Variants in ECE1 observed in about 807,000 individuals in gnomAD.
ECE1 encodes endothelin-converting enzyme 1.
Under a neutral mutation model 98.6 loss-of-function variants are expected in ECE1, and 35 were observed. The ratio of observed to expected loss-of-function variants is 0.35; its 90% CI spans 0.27 to 0.47. ECE1 has a LOEUF of 0.47. Among genes scored for constraint, ECE1 ranks in the 20% least tolerant of loss-of-function variants. The pLI, the probability that ECE1 is intolerant of heterozygous loss-of-function variation, is 1.00. For missense variants in ECE1, 814 were observed against 1,025.3 expected (o/e 0.79, Z 2.81); for synonymous variants, 394 against 407.1 (o/e 0.97, Z 0.39).
In ECE1 at chr1:21,227,156, T is replaced by C. The variant is rs765111024; in HGVS notation, c.1849+3A>G. 6.2e-7 allele frequency: 1 copy of C among 1,614,002 alleles called. No homozygotes were observed. Among genetic ancestry groups the C allele is most frequent in the South Asian group, 1.1e-5 (1 of 91,084 alleles). On this transcript the variant is annotated splice_donor_region_variant and intron_variant, in intron 16 of 18. Transcript: ENST00000374893. ...AGCCATCGTGCCCAGCTGGAATTCG[T>C]ACCTTGATCATCAAAAGCATGAGTC...
At chr1:21,282,579 C>T (rs1237580576) in intron 2 of ECE1, among the ~76,000 whole-genome samples, 1 of 136,754 alleles carries the variant, frequency 7.3e-6, no homozygotes, top group African/African-American at 3.0e-5. Flanking sequence ...CAGAGTGAGA[C>T]GCTGTCTTGA....
At chr1:21,223,379 C>G (rs1235083660) in intron 17 of ECE1, among the ~76,000 whole-genome samples, 1 of 152,130 alleles carries the variant, frequency 6.6e-6, no homozygotes, top group African/African-American at 2.4e-5. Context: ...ACCTCTGCCT[C>G]CTGGGTTTAA....
In ECE1 at chr1:21,340,104, C is replaced by T. The variant is rs1276927744; in HGVS notation, c.3+5272G>A. On this transcript the variant is annotated intron_variant, in intron 1 of 18. Transcript: ENST00000415912. This position sits in a 1 kb window ranked among gnomAD's most constrained non-coding sequence, Gnocchi z 4.6. ...CTCTTCTGGGAAGGCTTCCCTGATA[C>T]ACACCTATGGGCAGGATGACTCTGG... is the stretch of plus-strand genomic sequence containing the variant. 6.6e-6 allele frequency among the ~76,000 whole-genome samples: 1 copy of T among 152,250 alleles called. No individual in the cohort carries two copies. The highest frequency in any genetic ancestry group is 2.4e-5 in the African/African-American group (1 of 41,466).
chr1:21,274,771 A>T (rs537116169), intron 3 of ECE1, among the ~76,000 whole-genome samples: 10 of 152,204 alleles, frequency 6.6e-5, no homozygotes, highest in Non-Finnish European at 1.2e-4. Context: ...AATCAGGGTG[A>T]TCTGACTTTG....
upstream of ECE1, chr1:21,290,525 G>A (rs967849777): frequency 8.3e-7 from 1 of 1,202,400 alleles, no homozygotes; most frequent in Non-Finnish European, 1.0e-6. This position sits in a 1 kb window ranked among gnomAD's most constrained non-coding sequence, Gnocchi z 7.3. Context: ...CCGGCGCCCG[G>A]TTCCCAACCT....
chr1:21,255,293 T>G (rs1216740669), intron 8 of ECE1, among the ~76,000 whole-genome samples: 1 of 152,182 alleles, frequency 6.6e-6, no homozygotes, highest in Admixed American at 6.5e-5. Context: ...GTGGTGGCCA[T>G]TCTGCTGATC....
At chr1:21,226,677 T>G (rs2098174650) in intron 16 of ECE1, among the ~76,000 whole-genome samples, 1 of 152,132 alleles carries the variant, frequency 6.6e-6, no homozygotes, top group Admixed American at 6.5e-5. Context: ...CTATTAAAAT[T>G]TTGCCACCAC....
intron 4 of ECE1, among the ~76,000 whole-genome samples, chr1:21,271,451 A>G (rs1411316931): frequency 6.6e-6 from 1 of 152,162 alleles, no homozygotes; most frequent in Non-Finnish European, 1.5e-5. Flanking sequence ...CTGCCTTTGA[A>G]TATCTTAAAG....
intron 1 of ECE1, among the ~76,000 whole-genome samples, chr1:21,342,427 C>T (rs761554358): frequency 1.3e-5 from 2 of 152,088 alleles, no homozygotes; most frequent in Non-Finnish European, 2.9e-5. Context: ...CTCCTCAGAA[C>T]CCTCGGCCCA....
chr1:21,230,688 G>T (rs1001713540), intron 14 of ECE1, among the ~76,000 whole-genome samples: 3 of 150,318 alleles, frequency 2.0e-5, no homozygotes, highest in Non-Finnish European at 4.4e-5. Flanking sequence ...GCCTGGCCAA[G>T]AATTCTTTCT....
intron 4 of ECE1, among the ~76,000 whole-genome samples, chr1:21,262,430 A>T (rs1430374245): frequency 1.3e-5 from 2 of 152,128 alleles, no homozygotes; most frequent in Non-Finnish European, 2.9e-5. Context: ...CTATGGCAAC[A>T]CTCCCAATGA....
In ECE1 at chr1:21,322,898, C is replaced by T. The variant is rs1638995091; in HGVS notation, c.3+22478G>A. The stretch of plus-strand genomic sequence containing the variant: ...GTTTGGTGAAAACCCCTCACTGGGG[C>T]TTTGGAGGGAGGGCAGGTCCCAGGG... On this transcript the variant is annotated intron_variant, in intron 1 of 18. Coordinates refer to the ECE1 transcript ENST00000415912. The surrounding 1 kb of genome is among the most constrained non-coding windows in gnomAD (Gnocchi z 4.1). 6.6e-6 allele frequency among the ~76,000 whole-genome samples: 1 copy of T among 152,132 alleles called. No homozygotes were observed. Among genetic ancestry groups the T allele is most frequent in the Non-Finnish European group, 1.5e-5 (1 of 68,016 alleles).
At position 21,235,806 on chromosome 1, in the gene ECE1, G is replaced by C. The variant is rs559955287; in HGVS notation, c.1566+44C>G. On this transcript the variant is annotated intron_variant, in intron 13 of 18. Transcript: ENST00000374893. The surrounding 1 kb of genome is among the most constrained non-coding windows in gnomAD (Gnocchi z 4.2). ...CAGCCCTGCCTCGGCCCTTTTCTAA[G>C]GGGGCATTTAGGAACGCAAGGGGGC... is the stretch of plus-strand genomic sequence containing the variant. 2.5e-6 allele frequency: 4 copies of C among 1,599,038 alleles called. No individual in the cohort carries two copies. The highest frequency in any genetic ancestry group is 3.4e-6 in the Non-Finnish European group (4 of 1,166,256).
chr1:21,288,839 C>T (rs1774962), intron 2 of ECE1, among the ~76,000 whole-genome samples: 4 of 152,074 alleles, frequency 2.6e-5, no homozygotes, highest in Admixed American at 1.3e-4. Flanking sequence ...CAGTGGTTGC[C>T]CCTCTCAGAG....
Position 21,225,399 on chromosome 1 carries a change from T to G in ECE1, c.1891A>C (p.Lys631Gln). 1 of 1,614,218 alleles carries G rather than the reference T, an allele frequency of 6.2e-7. No individual in the cohort carries two copies. Among genetic ancestry groups the G allele is most frequent in the Non-Finnish European group, 8.5e-7 (1 of 1,180,042 alleles). Residue 631 changes from lysine (K) to glutamine (Q), a missense_variant, in exon 17 of 19, where the codon AAG becomes CAG. By Grantham distance (53) the Lys-to-Gln change is moderately conservative. Coordinates refer to ENST00000374893, the MANE Select transcript of ECE1 (RefSeq NM_001397.3). This position sits in a 1 kb window ranked among gnomAD's most constrained non-coding sequence, Gnocchi z 5.3. ...DKDGNLRPWW[K>Q]NSSVEAFKRQ... ...TTGAAGGCCTCCACGGATGAGTTCT[T>G]CCACCATGGCCGGAGGTTCCCGTCC... is the stretch of plus-strand genomic sequence containing the variant.
chr1:21,279,098 C>T, intron 3 of ECE1, 93 bp downstream of exon 3: 3 of 1,605,924 alleles, frequency 1.9e-6, no homozygotes, highest in South Asian at 2.2e-5. Context: ...CAGAGCCCTG[C>T]CCCGGCTTAA....
intron 17 of ECE1, among the ~76,000 whole-genome samples, chr1:21,222,912 T>G (rs1346394437): frequency 6.7e-6 from 1 of 148,418 alleles, no homozygotes; most frequent in Non-Finnish European, 1.5e-5. Context: ...GCCAAGAAAC[T>G]TCATTTACAA....
In ECE1 at chr1:21,236,379, G is replaced by A. The variant is rs955952372; in HGVS notation, c.1488+367C>T. On this transcript the variant is annotated intron_variant, in intron 12 of 18. Coordinates refer to ENST00000374893, the MANE Select transcript of ECE1 (RefSeq NM_001397.3). ...GACAGAACTGGCCTCACCGGGCGCG[G>A]TGGCTTATGCCTATAATGCCAGCGC... is the stretch of plus-strand genomic sequence containing the variant. Among the ~76,000 whole-genome samples, 3 of 152,184 alleles carry A rather than the reference G, an allele frequency of 2.0e-5. No individual in the cohort carries two copies. In the South Asian group the frequency reaches 6.2e-4, roughly 31 times the overall value.
intron 17 of ECE1, among the ~76,000 whole-genome samples, chr1:21,222,926 C>G (rs1163848881): frequency 6.8e-6 from 1 of 146,486 alleles, no homozygotes; most frequent in Admixed American, 6.9e-5. Context: ...TTTACAAAAA[C>G]AGCCTCACAG....
Sources: gnomAD v4.1 joint callset for allele counts (sites outside exome capture counted in the v4.1 genomes callset) on GRCh38, gnomAD v4.1.1 for gene constraint, Gnocchi (gnomAD v3.1) non-coding constraint, MANE v1.5 for transcripts, NCBI Gene and HGNC (gene_info 2026-07-23, HGNC 2026-07-21) for gene names.